The following DZANK1 variants were observed in gnomAD, a reference collection of about 807,000 sequenced individuals.
DZANK1 encodes double zinc ribbon and ankyrin repeat domains 1.
DZANK1 carries 91 observed loss-of-function variants against 94.5 expected under a neutral mutation model. The observed-to-expected ratio is 0.96, with a 90% confidence interval of 0.81 to 1.15. The LOEUF (loss-of-function observed/expected upper bound fraction) is 1.15, where lower values mean the gene tolerates loss of function less well. Among genes scored for constraint, DZANK1 ranks in the 50% most tolerant of loss-of-function variants. The pLI is 0.00. For synonymous variants in DZANK1, 312 were observed against 325.3 expected (o/e 0.96, Z 0.44); for missense variants, 903 against 916.4 (o/e 0.99, Z 0.19).
chr20:18,398,584 C>A, exon 14 of DZANK1: 1 of 1,613,994 alleles, frequency 6.2e-7, no homozygotes, highest in Non-Finnish European at 8.5e-7. Flanking sequence ...AGCATAACAC[C>A]TGAGGTGAGC....
intron 17 of DZANK1, among the ~76,000 whole-genome samples, chr20:18,392,898 G>A (rs2056097644): frequency 6.6e-6 from 1 of 152,200 alleles, no homozygotes; most frequent in African/African-American, 2.4e-5. Flanking sequence ...TAATCCATAT[G>A]GAGGTTAGGT....
chr20:18,409,580 A>ACACACAC (rs1416918028), intron 13 of DZANK1, among the ~76,000 whole-genome samples: 3 of 138,354 alleles, frequency 2.2e-5, no homozygotes, highest in African/African-American at 7.8e-5. Context: ...ACACACACAC[A>ACACACAC]CACCACCACC....
intron 3 of DZANK1, among the ~76,000 whole-genome samples, chr20:18,457,330 G>T (rs938644106): frequency 6.6e-6 from 1 of 152,068 alleles, no homozygotes; most frequent in African/African-American, 2.4e-5. Context: ...CAAAAAATTA[G>T]CTGGGTTGTG....
chr20:18,450,239 T>C (rs1386508486), intron 6 of DZANK1, among the ~76,000 whole-genome samples: 6 of 152,064 alleles, frequency 3.9e-5, no homozygotes, highest in Admixed American at 3.3e-4. Context: ...AGGTTTCTCA[T>C]TGCTTTTGTG....
intron 8 of DZANK1, among the ~76,000 whole-genome samples, chr20:18,434,113 T>C (rs143631748): frequency 1.3e-5 from 2 of 152,140 alleles, no homozygotes; most frequent in East Asian, 3.9e-4. Flanking sequence ...AAATAACAAT[T>C]ACTTTTATTA....
chr20:18,384,585 C>T (rs115017448), intron 20 of DZANK1, 21 bp from the exon 21 acceptor site: 28,010 of 1,573,984 alleles, frequency 0.018, 291 homozygotes, highest in African/African-American at 0.021. Context: ...AATGGAGAAA[C>T]GGAGGTGCAC....
intron 17 of DZANK1, among the ~76,000 whole-genome samples, chr20:18,392,716 A>G (rs947503392): frequency 6.6e-6 from 1 of 152,250 alleles, no homozygotes; most frequent in Non-Finnish European, 1.5e-5. Context: ...CTAAAACGGT[A>G]CTGACCATCG....
chr20:18,452,024 A>G (rs770850814), intron 6 of DZANK1: 8 of 483,540 alleles, frequency 1.7e-5, no homozygotes, highest in Non-Finnish European at 3.3e-5. Flanking sequence ...TCAGACTAGT[A>G]TCTGTGACTC....
chr20:18,437,916 C>T (rs989492154), intron 8 of DZANK1, among the ~76,000 whole-genome samples: 3 of 151,848 alleles, frequency 2.0e-5, no homozygotes, highest in Non-Finnish European at 2.9e-5. Flanking sequence ...CTAAAAGTAA[C>T]ACAAAAGAAA....
intron 3 of DZANK1, among the ~76,000 whole-genome samples, chr20:18,455,588 A>T (rs760246342): frequency 1.1e-4 from 17 of 152,000 alleles, no homozygotes; most frequent in Non-Finnish European, 2.2e-4. Context: ...TTAAAACATG[A>T]ATCTGTGGAT....
chr20:18,400,477 G>C (rs2056612164), intron 13 of DZANK1, among the ~76,000 whole-genome samples: 1 of 152,210 alleles, frequency 6.6e-6, no homozygotes. Context: ...CCTGTGTACG[G>C]ATAGGCAGCC....
At chr20:18,438,218 CA>C (rs761846698) in intron 8 of DZANK1, among the ~76,000 whole-genome samples, 11 of 57,756 alleles carry the variant, frequency 1.9e-4, no homozygotes, top group African/African-American at 7.9e-4. Flanking sequence ...GACTCTGTCT[CA>C]AAAAAAAAAA....
At chr20:18,439,565 A>G (rs2058654429) in intron 8 of DZANK1, among the ~76,000 whole-genome samples, 1 of 152,164 alleles carries the variant, frequency 6.6e-6, no homozygotes, top group Non-Finnish European at 1.5e-5. Flanking sequence ...TTGGCAGTTA[A>G]GTGCTGCCAC....
intron 13 of DZANK1, among the ~76,000 whole-genome samples, chr20:18,407,781 T>C (rs1312784037): frequency 6.6e-6 from 1 of 152,158 alleles, no homozygotes; most frequent in Non-Finnish European, 1.5e-5. Context: ...AGAACTGACA[T>C]GCTAAAATAT....
intron 4 of DZANK1, among the ~76,000 whole-genome samples, chr20:18,454,952 G>A (rs998100936): frequency 1.3e-5 from 2 of 152,208 alleles, no homozygotes; most frequent in Admixed American, 1.3e-4. Context: ...AGAAACTGAT[G>A]ACTTGGATGG....
rs1223298570 is a variant in DZANK1, at chr20:18,441,568, G to T, written c.747+1779C>A. 6.6e-6 allele frequency among the ~76,000 whole-genome samples: 1 copy of T among 152,204 alleles called. No individual in the cohort carries two copies. The highest frequency in any genetic ancestry group is 2.4e-5 in the African/African-American group (1 of 41,444). On this transcript the variant is annotated intron_variant, in intron 8 of 20. Coordinates refer to ENST00000262547, the Ensembl canonical transcript of DZANK1. This position sits in a 1 kb window ranked among gnomAD's most constrained non-coding sequence, Gnocchi z 4.1. The stretch of plus-strand genomic sequence containing the variant: ...TGGCTGAGACAGAGAACCGAAGGAG[G>T]ATCAAATTTGGAAGAGGCACTTACT...
intron 7 of DZANK1, among the ~76,000 whole-genome samples, chr20:18,446,064 CA>C (rs144762783): frequency 0.046 from 5,714 of 124,568 alleles, 128 homozygotes; most frequent in Middle Eastern, 0.12. Context: ...CACGCCCAGC[CA>C]AAAAAAAAAA....
At chr20:18,415,038 G>A (rs1047601719) in intron 11 of DZANK1, among the ~76,000 whole-genome samples, 1 of 152,138 alleles carries the variant, frequency 6.6e-6, no homozygotes, top group African/African-American at 2.4e-5. Flanking sequence ...ACATAGTCTT[G>A]AGTGTTTTAT....
rs547993602 is a variant in DZANK1 at position 18,384,301 on chromosome 20, C to T, written c.*98G>A. The T allele has an allele frequency of 1.9e-4, 242 of 1,303,144 alleles. 2 individuals are homozygous for T. The African/African-American group carries it at 2.7e-3, about 15-fold the overall frequency. 80.7% of individuals were successfully genotyped at this position (1,303,144 alleles called of 1,614,324 possible). ...CTTGAACTCCCAACCTCAGGTGATACGCCAGCCTCAGCCTCCCAAAGTGCT... is the reference window on the plus strand; with the variant it reads ...CTTGAACTCCCAACCTCAGGTGATATGCCAGCCTCAGCCTCCCAAAGTGCT... On this transcript the variant is annotated 3_prime_UTR_variant, in exon 21 of 21. Transcript: ENST00000262547.
Sources: allele counts gnomAD v4.1 joint callset (sites outside exome capture counted in the v4.1 genomes callset), GRCh38; gene constraint gnomAD v4.1.1; non-coding constraint Gnocchi (gnomAD v3.1); transcripts MANE v1.5; gene names NCBI Gene and HGNC (gene_info 2026-07-23, HGNC 2026-07-21).